The following SMARCD3 variants were observed in gnomAD, a reference collection of about 807,000 sequenced individuals.
The protein encoded by SMARCD3 is SWI/SNF-related matrix-associated actin-dependent regulator of chromatin subfamily D member 3.
Under a neutral mutation model 58.0 loss-of-function variants are expected in SMARCD3, and 14 were observed. The ratio of observed to expected loss-of-function variants is 0.24; its 90% confidence interval spans 0.16 to 0.38. The LOEUF (loss-of-function observed/expected upper bound fraction) is 0.38. Ranked by LOEUF, SMARCD3 falls within the 10% of genes least tolerant of loss-of-function variation. SMARCD3 has a pLI of 1.00. For missense variants in SMARCD3, 408 were observed against 636.9 expected (o/e 0.64, Z 3.87); for synonymous variants, 253 against 253.8 (o/e 1.00, Z 0.03).
chr7:151,241,772 A>G lies in SMARCD3; in HGVS notation c.777+105T>C. ...AGGAAACATGCCCCTGGGGAAGGAT[A>G]GGTTTGGGAGGGGAAGGAGGTCTCT... On this transcript the variant is annotated intron_variant, in intron 7 of 12. Transcript: ENST00000262188. The surrounding 1 kb of genome is among the most constrained non-coding windows in gnomAD (Gnocchi z 5.3). The G allele has an allele frequency of 1.5e-6, 2 of 1,371,380 alleles. No homozygotes were observed. Among genetic ancestry groups the G allele is most frequent in the Non-Finnish European group, 2.0e-6 (2 of 979,192 alleles). 85.0% of individuals were successfully genotyped at this position (1,371,380 alleles called of 1,614,324 possible).
chr7:151,258,585 A>C (rs933236235), intron 2 of SMARCD3, among the ~76,000 whole-genome samples: 1 of 151,672 alleles, frequency 6.6e-6, no homozygotes, highest in Non-Finnish European at 1.5e-5. Context: ...AAAAAAGAAA[A>C]AGAAAAAGAA....
At chr7:151,265,195 G>A (rs993290239) in intron 2 of SMARCD3, among the ~76,000 whole-genome samples, 2 of 152,174 alleles carry the variant, frequency 1.3e-5, no homozygotes, top group African/African-American at 4.8e-5. Context: ...CCTCAAACAG[G>A]TAATCAATTT....
At chr7:151,267,052 C>T (rs770930276) in intron 2 of SMARCD3, among the ~76,000 whole-genome samples, 14 of 152,136 alleles carry the variant, frequency 9.2e-5, no homozygotes, top group Non-Finnish European at 1.5e-4. Context: ...CGATACAAAC[C>T]GGAGTTCTGC....
At chr7:151,240,083 C>A in intron 10 of SMARCD3, 29 bp downstream of exon 10, 1 of 1,612,766 alleles carries the variant, frequency 6.2e-7, no homozygotes. Flanking sequence ...GGGTTAATGT[C>A]CCACTCCAGC....
upstream of SMARCD3, among the ~76,000 whole-genome samples, chr7:151,251,441 C>A (rs1455889821): frequency 1.3e-5 from 2 of 152,176 alleles, no homozygotes; most frequent in African/African-American, 4.8e-5. Context: ...ACAAGGCAGG[C>A]CCAGACACAT....
intron 2 of SMARCD3, among the ~76,000 whole-genome samples, chr7:151,260,908 TC>T: frequency 6.6e-6 from 1 of 152,296 alleles, no homozygotes; most frequent in African/African-American, 2.4e-5. Flanking sequence ...TGAGGCTTGT[TC>T]ATGACCAAGG....
intron 2 of SMARCD3, among the ~76,000 whole-genome samples, chr7:151,264,629 C>A (rs971165324): frequency 3.9e-5 from 6 of 152,196 alleles, no homozygotes; most frequent in Non-Finnish European, 8.8e-5. Context: ...CTCAGCAGGC[C>A]ACCTCCTTCT....
rs1376559097 is a variant in SMARCD3, at chr7:151,248,242, C to T, written c.78+243G>A. Among the ~76,000 whole-genome samples the T allele has an allele frequency of 6.6e-6, 1 of 152,010 alleles. No individual in the cohort carries two copies. Among genetic ancestry groups the T allele is most frequent in the Non-Finnish European group, 1.5e-5 (1 of 67,950 alleles). ...GGGGTAGAGTCCCCAAGTCCCACCCCCGCCCCTGACAAGAGCCATGCAAAC... is the reference window on the plus strand; with the variant it reads ...GGGGTAGAGTCCCCAAGTCCCACCCTCGCCCCTGACAAGAGCCATGCAAAC... On this transcript the variant is annotated intron_variant, in intron 1 of 12. Transcript: ENST00000262188. This position sits in a 1 kb window ranked among gnomAD's most constrained non-coding sequence, Gnocchi z 6.1.
In SMARCD3 at chr7:151,239,049, G is replaced by C; in HGVS notation, c.*54C>G. ...GTGATGCTGGAGCCCGGGGCAAAAT[G>C]CTGGGGCCCGGGACACGGCTGAAAG... On this transcript the variant is annotated 3_prime_UTR_variant, in exon 13 of 13. Transcript: ENST00000262188. The surrounding 1 kb of genome is among the most constrained non-coding windows in gnomAD (Gnocchi z 7.0). 1 of 1,573,640 alleles carries C rather than the reference G, an allele frequency of 6.4e-7. No individual in the cohort carries two copies. Among genetic ancestry groups the C allele is most frequent in the South Asian group, 1.1e-5 (1 of 90,328 alleles).
Position 151,239,988 on chromosome 7 carries a change from C to A in SMARCD3, c.1173+124G>T. 1.2e-6 allele frequency: 1 copy of A among 830,292 alleles called. No individual in the cohort carries two copies. Among genetic ancestry groups the A allele is most frequent in the Non-Finnish European group, 1.8e-6 (1 of 558,044 alleles). The allele number at this position is 830,292 out of a possible 1,614,324, so 51.4% of individuals were successfully genotyped here. A position where few individuals can be genotyped will look rare whatever the true frequency, so the allele number is the denominator to read the frequency against. On this transcript the variant is annotated intron_variant, in intron 10 of 12. Transcript: ENST00000262188. The surrounding 1 kb of genome is among the most constrained non-coding windows in gnomAD (Gnocchi z 7.0). ...GTCCCATTGGCCCAGAGTCTGGTCT[C>A]TTTTTTTTTTTTTTTTTTAATTTAA...
In SMARCD3 at chr7:151,243,243, T is replaced by G. The variant is rs1424699237; in HGVS notation, c.334-400A>C. Among the ~76,000 whole-genome samples the G allele has an allele frequency of 1.3e-5, 2 of 152,182 alleles. No homozygotes were observed. The highest frequency in any genetic ancestry group is 3.9e-4 in the East Asian group (2 of 5,190). On this transcript the variant is annotated intron_variant, in intron 3 of 12. Coordinates refer to ENST00000262188, the MANE Select transcript of SMARCD3 (RefSeq NM_001003801.2). The surrounding 1 kb of genome is among the most constrained non-coding windows in gnomAD (Gnocchi z 4.4). The stretch of plus-strand genomic sequence containing the variant: ...CTGAGACAGTTGGACAGCGGTGCTT[T>G]CTTCTCTGCTGGCACCTTGCTCAGC...
At chr7:151,260,814 C>G (rs77957939) in intron 2 of SMARCD3, among the ~76,000 whole-genome samples, 30,901 of 152,096 alleles carry the variant, frequency 0.2, 3,551 homozygotes, top group Non-Finnish European at 0.27. Flanking sequence ...AGAACAGCAA[C>G]AGGCTCTGTC....
At chr7:151,247,255 C>T (rs1020744079) in intron 1 of SMARCD3, among the ~76,000 whole-genome samples, 3 of 152,138 alleles carry the variant, frequency 2.0e-5, no homozygotes, top group African/African-American at 7.2e-5. Flanking sequence ...TCCACGTGTA[C>T]AGCCTCTCCC....
At position 151,241,689 on chromosome 7, in the gene SMARCD3, G is replaced by T. The variant is rs761524458; in HGVS notation, c.778-36C>A. 19 of 1,590,868 alleles carry T rather than the reference G, an allele frequency of 1.2e-5. No individual in the cohort carries two copies. The highest frequency in any genetic ancestry group is 5.2e-5 in the Admixed American group (3 of 57,482). ...GGGACTGTGAAAGTTAGACCAAAGG[G>T]AGAGAAAGGAAGGAGCCCAGGGCCA... On this transcript the variant is annotated intron_variant, in intron 7 of 12. Transcript: ENST00000262188. The surrounding 1 kb of genome is among the most constrained non-coding windows in gnomAD (Gnocchi z 5.3).
rs1803282785 is a variant in SMARCD3, at chr7:151,246,698, G to GCAA, written c.79-1028_79-1027insTTG. Among the ~76,000 whole-genome samples the GCAA allele has an allele frequency of 1.3e-5, 2 of 152,266 alleles. No individual in the cohort carries two copies. The highest frequency in any genetic ancestry group is 4.8e-5 in the African/African-American group (2 of 41,552). On this transcript the variant is annotated intron_variant, in intron 1 of 12. Transcript: ENST00000262188. This position sits in a 1 kb window ranked among gnomAD's most constrained non-coding sequence, Gnocchi z 4.4. ...TCCTCCTCCCTTGCCACTACCCCTGGGTGGTCAGATGGGGTGTAAATGAGA... is the reference window on the plus strand; with the variant it reads ...TCCTCCTCCCTTGCCACTACCCCTGGCAAGTGGTCAGATGGGGTGTAAATGAGA...
At chr7:151,275,593 G>A (rs1795317250) in intron 1 of SMARCD3, among the ~76,000 whole-genome samples, 1 of 152,188 alleles carries the variant, frequency 6.6e-6, no homozygotes, top group African/African-American at 2.4e-5. Context: ...GGAGAGAGCT[G>A]GGCATTGGAG....
intron 2 of SMARCD3, among the ~76,000 whole-genome samples, chr7:151,260,133 T>G (rs1803870106): frequency 6.6e-6 from 1 of 152,134 alleles, no homozygotes. Context: ...GGATTGCAAA[T>G]CAGGTTTCCT....
At chr7:151,271,977 G>A (rs1795187159) in intron 2 of SMARCD3, among the ~76,000 whole-genome samples, 1 of 152,138 alleles carries the variant, frequency 6.6e-6, no homozygotes, top group South Asian at 2.1e-4. Flanking sequence ...GAGAAAGAGG[G>A]TATTTCCTGA....
At chr7:151,276,254 G>A (rs1028577550) in intron 1 of SMARCD3, among the ~76,000 whole-genome samples, 1 of 151,738 alleles carries the variant, frequency 6.6e-6, no homozygotes, top group East Asian at 2.0e-4. Context: ...TGCCAGGCAG[G>A]GGAATGATGG....
Sources: allele counts gnomAD v4.1 joint callset (sites outside exome capture counted in the v4.1 genomes callset), GRCh38; gene constraint gnomAD v4.1.1; non-coding constraint Gnocchi (gnomAD v3.1); transcripts MANE v1.5; gene names NCBI Gene and HGNC (gene_info 2026-07-23, HGNC 2026-07-21).